SEPTIN14: variants seen among roughly 807,000 people sequenced by gnomAD.
SEPTIN14 encodes septin 14.
A neutral mutation model predicts 53.6 loss-of-function variants in SEPTIN14; 40 were observed. The ratio of observed to expected loss-of-function variants is 0.75; its 90% confidence interval spans 0.58 to 0.97. The LOEUF (loss-of-function observed/expected upper bound fraction) is 0.97, where lower values mean the gene tolerates loss of function less well. SEPTIN14 is among the 50% of genes least tolerant of loss of function. SEPTIN14 has a pLI of 0.00. For missense variants in SEPTIN14, 471 were observed against 508.2 expected (o/e 0.93, Z 0.70); for synonymous variants, 138 against 166.8 (o/e 0.83, Z 1.33).
chr7:55,807,278 G>A lies in SEPTIN14; in HGVS notation c.818-20C>T. On this transcript the variant is annotated intron_variant, in intron 7 of 9. Transcript: ENST00000388975. Reference sequence around the variant, plus strand: ...TTTCCACTAGTAAAAAAATAATAATGAATCAACAACATTCAGTATCAATCC... The same window carrying A: ...TTTCCACTAGTAAAAAAATAATAATAAATCAACAACATTCAGTATCAATCC... The A allele has an allele frequency of 6.6e-7, 1 of 1,513,712 alleles. No homozygotes were observed. The highest frequency in any genetic ancestry group is 2.3e-5 in the East Asian group (1 of 43,470). 93.8% of individuals were successfully genotyped at this position (1,513,712 alleles called of 1,614,324 possible).
intron 9 of SEPTIN14, among the ~76,000 whole-genome samples, chr7:55,802,931 G>A (rs1788545935): frequency 6.6e-6 from 1 of 151,328 alleles, no homozygotes; most frequent in Non-Finnish European, 1.5e-5. Flanking sequence ...AATGGGCAAT[G>A]AAACTGAACT....
chr7:55,837,916 AT>A (rs899652126), intron 5 of SEPTIN14, among the ~76,000 whole-genome samples: 2 of 152,102 alleles, frequency 1.3e-5, no homozygotes, highest in Non-Finnish European at 2.9e-5. Flanking sequence ...AGCGCTAGAC[AT>A]TTTTCCCAAG....
Position 55,843,821 on chromosome 7 carries a change from G to C in SEPTIN14, c.372-693C>G, listed in dbSNP as rs758596254. 4.1e-4 allele frequency among the ~76,000 whole-genome samples: 63 copies of C among 152,032 alleles called. 1 individual carries two copies. Among genetic ancestry groups the C allele is most frequent in the Non-Finnish European group, 5.9e-4 (40 of 68,022 alleles). ...CGCTCTAGCCTGGGCAACAGAGCAA[G>C]ACTCCATCTCAAAAAAAGACAAAAA... On this transcript the variant is annotated intron_variant, in intron 4 of 9. Coordinates refer to ENST00000388975, the MANE Select transcript of SEPTIN14 (RefSeq NM_207366.3).
chr7:55,832,894 T>C (rs1227401961), intron 6 of SEPTIN14, among the ~76,000 whole-genome samples: 3 of 151,950 alleles, frequency 2.0e-5, no homozygotes, highest in South Asian at 4.2e-4. Context: ...TATTTCAGGA[T>C]AGTTACACTA....
chr7:55,843,070 GTTC>G lies in SEPTIN14; in HGVS notation c.427_429del (p.Glu143del), dbSNP rs1562717586. 1.9e-6 allele frequency: 3 copies of G among 1,607,306 alleles called. No individual in the cohort carries two copies. Among genetic ancestry groups the G allele is most frequent in the South Asian group, 2.2e-5 (2 of 89,462 alleles). ...TCAAACAAGGAACGTTTAATCTTCA[GTTC>G]TTCTTGAAGATAGGCCTCAAATTGG... On this transcript the variant is annotated inframe_deletion, in exon 5 of 10. Transcript: ENST00000388975.
intron 2 of SEPTIN14, among the ~76,000 whole-genome samples, chr7:55,854,426 A>C (rs1424409437): frequency 3.3e-5 from 5 of 150,378 alleles, no homozygotes; most frequent in Non-Finnish European, 7.4e-5. Flanking sequence ...TATACATTGT[A>C]CTGGAGGTTC....
intron 2 of SEPTIN14, among the ~76,000 whole-genome samples, chr7:55,853,084 GT>G (rs1372975257): frequency 6.6e-6 from 1 of 152,186 alleles, no homozygotes; most frequent in African/African-American, 2.4e-5. Flanking sequence ...CTCTTACACT[GT>G]TGGTGCAAAT....
intron 7 of SEPTIN14, chr7:55,811,063 C>G: frequency 2.2e-6 from 1 of 461,586 alleles, no homozygotes; most frequent in Non-Finnish European, 4.2e-6. Flanking sequence ...ATCATTTCAT[C>G]TACTTGTATC....
At chr7:55,836,931 A>C (rs537045320) in intron 5 of SEPTIN14, among the ~76,000 whole-genome samples, 1 of 152,106 alleles carries the variant, frequency 6.6e-6, no homozygotes, top group Non-Finnish European at 1.5e-5. Flanking sequence ...CCTCGGATAA[A>C]AGGAACCCAA....
intron 2 of SEPTIN14, among the ~76,000 whole-genome samples, chr7:55,851,681 C>T (rs540406899): frequency 1.9e-4 from 29 of 152,130 alleles, no homozygotes; most frequent in African/African-American, 7.0e-4. Flanking sequence ...TTAACTCAAT[C>T]CCTATCAAAA....
intron 6 of SEPTIN14, among the ~76,000 whole-genome samples, chr7:55,828,230 T>C (rs1015541573): frequency 6.7e-6 from 1 of 148,696 alleles, no homozygotes; most frequent in East Asian, 2.0e-4. Context: ...AGTACAGATA[T>C]CTTAAAAAAA....
rs1788622871 is a variant in SEPTIN14 at position 55,807,161 on chromosome 7, A to G, written c.915T>C (p.Tyr305=). Residue 305 remains tyrosine (Y), a synonymous_variant, in exon 8 of 10, where the codon TAT becomes TAC. Coordinates refer to ENST00000388975, the MANE Select transcript of SEPTIN14 (RefSeq NM_207366.3). ...NLKEKTHTQH[Y]ECYRYQKLQK... ...GCAGTTTTTGGTACCTATAACATTC[A>G]TAGTGCTGAGTGTGGGTTTTTTCTT... is the stretch of plus-strand genomic sequence containing the variant. The G allele has an allele frequency of 3.7e-6, 6 of 1,611,166 alleles. No homozygotes were observed. The Admixed American group carries it at 6.7e-5, about 18-fold the overall frequency.
chr7:55,842,840 G>C (rs1789336548), intron 5 of SEPTIN14, 102 bp downstream of exon 5: 2 of 609,960 alleles, frequency 3.3e-6, no homozygotes, highest in Non-Finnish European at 5.2e-6. Flanking sequence ...GTGAACCTGG[G>C]AGGCGGAGCT....
intron 5 of SEPTIN14, among the ~76,000 whole-genome samples, chr7:55,837,619 T>A (rs530481520): frequency 2.0e-5 from 3 of 152,182 alleles, no homozygotes; most frequent in Non-Finnish European, 4.4e-5. Flanking sequence ...GTTTCACTCT[T>A]GTTGCCCAGG....
At position 55,819,220 on chromosome 7, in the gene SEPTIN14, G is replaced by A; in HGVS notation, c.724C>T (p.Leu242=). Residue 242 remains leucine, a synonymous_variant, in exon 7 of 10, where the codon CTG becomes TTG. Coordinates refer to ENST00000388975, the MANE Select transcript of SEPTIN14 (RefSeq NM_207366.3). The stretch of plus-strand genomic sequence containing the variant: ...CTCCCTACCACAGCAAAGGGTAACA[G>A]CCCCTAGAAAACAAGAATGACATGA... ...AAQANSSVSG[L]LPFAVVGSTD... 1 of 1,556,580 alleles carries A rather than the reference G, an allele frequency of 6.4e-7. No individual in the cohort carries two copies. Among genetic ancestry groups the A allele is most frequent in the Non-Finnish European group, 8.7e-7 (1 of 1,147,036 alleles).
At chr7:55,839,385 G>A (rs1307458200) in intron 5 of SEPTIN14, among the ~76,000 whole-genome samples, 17 of 135,086 alleles carry the variant, frequency 1.3e-4, no homozygotes, top group South Asian at 9.7e-4. Context: ...GCAAAACTCC[G>A]TCTCAGAAAA....
Position 55,849,154 on chromosome 7 carries a change from G to A in SEPTIN14, c.55-2517C>T, listed in dbSNP as rs190068926. 6.7e-4 allele frequency among the ~76,000 whole-genome samples: 101 copies of A among 151,522 alleles called. No individual in the cohort carries two copies. The East Asian group carries it at 0.019, about 29-fold the overall frequency. On this transcript the variant is annotated intron_variant, in intron 2 of 9. Transcript: ENST00000388975. ...AGCCTGGCCAACATAGTGAAACCCT[G>A]TCTCTACTAAATATACAAAAATGAA... is the stretch of plus-strand genomic sequence containing the variant.
intron 6 of SEPTIN14, among the ~76,000 whole-genome samples, chr7:55,822,513 T>C (rs1788913966): frequency 6.6e-6 from 1 of 151,308 alleles, no homozygotes. Flanking sequence ...TGCAAAGCCA[T>C]AGTAATCAAA....
chr7:55,806,566 C>A (rs564524145), intron 8 of SEPTIN14, among the ~76,000 whole-genome samples: 2 of 151,348 alleles, frequency 1.3e-5, no homozygotes, highest in East Asian at 1.9e-4. Flanking sequence ...AGGGTTCAAG[C>A]GATTCTCCTG....
Sources: allele counts gnomAD v4.1 joint callset (sites outside exome capture counted in the v4.1 genomes callset), GRCh38; gene constraint gnomAD v4.1.1; transcripts MANE v1.5; gene names NCBI Gene and HGNC (gene_info 2026-07-23, HGNC 2026-07-21).